MRPS31: variants seen among roughly 807,000 people sequenced by gnomAD.
The protein encoded by MRPS31 is small ribosomal subunit protein mS31.
Under a neutral mutation model 43.1 loss-of-function variants are expected in MRPS31, and 32 were observed. The observed-to-expected ratio is 0.74, with a 90% confidence interval of 0.56 to 1.00. MRPS31 has a LOEUF of 1.00. Among genes scored for constraint, MRPS31 ranks in the 50% least tolerant of loss-of-function variants. MRPS31 has a pLI of 0.00. For missense variants in MRPS31, 437 were observed against 466.7 expected, an observed-to-expected ratio of 0.94 and a Z score of 0.59; for synonymous variants, 165 against 161.6, an observed-to-expected ratio of 1.02 and a Z score of -0.16.
At chr13:40,754,207 A>G in intron 4 of MRPS31, 115 bp from the exon 5 acceptor site, 1 of 578,084 alleles carries the variant, frequency 1.7e-6, no homozygotes, top group Non-Finnish European at 2.9e-6. Flanking sequence ...AATTCCACTG[A>G]CCCACATCAA....
At chr13:40,754,264 C>G (rs1041514179) in intron 4 of MRPS31, among the ~76,000 whole-genome samples, 172 bp from the exon 5 acceptor site, 1 of 152,080 alleles carries the variant, frequency 6.6e-6, no homozygotes, top group Non-Finnish European at 1.5e-5. Flanking sequence ...AAACAAAAAA[C>G]AGAAATGTGC....
chr13:40,736,133 T>TGCAGAAGCC (rs1180173770), intron 6 of MRPS31, among the ~76,000 whole-genome samples: 39 of 149,674 alleles, frequency 2.6e-4, no homozygotes, highest in Non-Finnish European at 3.9e-4. Flanking sequence ...ACGTGAAGAA[T>TGCAGAAGCC]GCAGAAGCCT....
chr13:40,734,248 T>C (rs546045136), intron 6 of MRPS31, among the ~76,000 whole-genome samples: 1 of 152,272 alleles, frequency 6.6e-6, no homozygotes, highest in East Asian at 1.9e-4. Context: ...TCTCAAAGCA[T>C]GTGCTTCAAC....
At chr13:40,769,422 T>C (rs1041347732) in intron 1 of MRPS31, among the ~76,000 whole-genome samples, 2 of 89,282 alleles carry the variant, frequency 2.2e-5, no homozygotes, top group East Asian at 7.0e-4. Context: ...ATATATATAT[T>C]ATCAAGTTCT....
At chr13:40,745,275 G>A (rs771789604) in intron 6 of MRPS31, among the ~76,000 whole-genome samples, 2 of 151,502 alleles carry the variant, frequency 1.3e-5, no homozygotes, top group African/African-American at 4.9e-5. Context: ...ATTTTGAGAC[G>A]GAGTTTCACT....
intron 2 of MRPS31, among the ~76,000 whole-genome samples, chr13:40,763,601 C>T (rs1880762474): frequency 6.6e-6 from 1 of 152,042 alleles, no homozygotes; most frequent in Admixed American, 6.5e-5. Context: ...ACCAGATGTA[C>T]CTGATAAGCA....
At chr13:40,755,444 T>C (rs187584195) in intron 4 of MRPS31, among the ~76,000 whole-genome samples, 1 of 152,376 alleles carries the variant, frequency 6.6e-6, no homozygotes, top group East Asian at 1.9e-4. Flanking sequence ...ACGTGTTTCT[T>C]TTCTATTCCT....
intron 3 of MRPS31, among the ~76,000 whole-genome samples, chr13:40,757,815 A>G (rs73459574): frequency 0.045 from 6,606 of 147,538 alleles, 301 homozygotes; most frequent in East Asian, 0.14. Context: ...TTGTGAGATC[A>G]CAGCTCAATG....
intron 4 of MRPS31, 103 bp from the exon 5 acceptor site, chr13:40,754,195 A>G: frequency 1.6e-6 from 1 of 635,450 alleles, no homozygotes; most frequent in Non-Finnish European, 2.5e-6. Context: ...GTAGAAATTA[A>G]AAATTCCACT....
chr13:40,759,468 A>C (rs1240008365), intron 2 of MRPS31, among the ~76,000 whole-genome samples: 1 of 152,146 alleles, frequency 6.6e-6, no homozygotes, highest in Non-Finnish European at 1.5e-5. Context: ...AACAAAAAAA[A>C]CAAAAAACAA....
intron 2 of MRPS31, among the ~76,000 whole-genome samples, chr13:40,766,353 C>A (rs1480833933): frequency 6.6e-6 from 1 of 152,152 alleles, no homozygotes; most frequent in Non-Finnish European, 1.5e-5. Context: ...AGTGCAGTGG[C>A]ACAATTCTTG....
intron 5 of MRPS31, among the ~76,000 whole-genome samples, chr13:40,750,721 T>A (rs1880362473): frequency 7.0e-6 from 1 of 143,790 alleles, no homozygotes; most frequent in African/African-American, 2.6e-5. Flanking sequence ...TTTCACTGAA[T>A]GCTTGCATTA....
At position 40,757,033 on chromosome 13, in the gene MRPS31, A is replaced by C; in HGVS notation, c.600-20T>G. The stretch of plus-strand genomic sequence containing the variant: ...CTGAAACTGAAATAATAAAAAGGTC[A>C]AGTGTATTAGAAATCTTAGCTACAG... On this transcript the variant is annotated intron_variant, in intron 3 of 6. Coordinates refer to ENST00000323563, the MANE Select transcript of MRPS31 (RefSeq NM_005830.4). The C allele has an allele frequency of 6.3e-7, 1 of 1,584,958 alleles. No homozygotes were observed. Among genetic ancestry groups the C allele is most frequent in the Non-Finnish European group, 8.6e-7 (1 of 1,164,726 alleles).
intron 6 of MRPS31, among the ~76,000 whole-genome samples, chr13:40,733,514 T>C (rs538001545): frequency 2.4e-4 from 37 of 152,316 alleles, no homozygotes; most frequent in African/African-American, 8.9e-4. Context: ...TCTAGAACAA[T>C]GATTGTAAAC....
At chr13:40,768,349 G>A (rs889577552) in intron 1 of MRPS31, among the ~76,000 whole-genome samples, 1 of 139,198 alleles carries the variant, frequency 7.2e-6, no homozygotes, top group Non-Finnish European at 1.5e-5. Flanking sequence ...CAAACTTTAA[G>A]CTTAGCCCCC....
chr13:40,729,700 G>T, intron 6 of MRPS31, 99 bp from the exon 7 acceptor site: 1 of 830,870 alleles, frequency 1.2e-6, no homozygotes, highest in African/African-American at 1.7e-5. Context: ...ACAGTTTAAG[G>T]CATGAACTTT....
At chr13:40,737,677 T>C (rs1289725957) in intron 6 of MRPS31, among the ~76,000 whole-genome samples, 1 of 152,158 alleles carries the variant, frequency 6.6e-6, no homozygotes, top group Non-Finnish European at 1.5e-5. Context: ...CAACCTGCTC[T>C]TCAATGACTA....
chr13:40,739,254 G>A (rs1278938390), intron 6 of MRPS31, among the ~76,000 whole-genome samples: 1 of 152,050 alleles, frequency 6.6e-6, no homozygotes, highest in Non-Finnish European at 1.5e-5. Flanking sequence ...CCTCTTCAAG[G>A]AGAACTACAA....
intron 6 of MRPS31, among the ~76,000 whole-genome samples, chr13:40,740,641 A>G (rs1275086459): frequency 3.6e-5 from 5 of 140,798 alleles, no homozygotes; most frequent in African/African-American, 5.4e-5. Context: ...TTGTAGGGAC[A>G]TGGATGAAAT....
Sources: allele counts gnomAD v4.1 joint callset (sites outside exome capture counted in the v4.1 genomes callset), GRCh38; gene constraint gnomAD v4.1.1; transcripts MANE v1.5; gene names NCBI Gene and HGNC (gene_info 2026-07-23, HGNC 2026-07-21).